Variants in UBR3 observed in about 807,000 individuals in gnomAD.
The protein encoded by UBR3 is ubiquitin protein ligase E3 component n-recognin 3.
In UBR3, 85 loss-of-function variants were observed where a neutral mutation model predicts 243.2. The ratio of observed to expected loss-of-function variants is 0.35; its 90% CI spans 0.29 to 0.42. The LOEUF (loss-of-function observed/expected upper bound fraction) is 0.42. UBR3 is among the 10% of genes least tolerant of loss of function. The pLI is 1.00. For synonymous variants in UBR3, 748 were observed against 799.8 expected (o/e 0.94, Z 1.09); for missense variants, 1,686 against 2,300.8 (o/e 0.73, Z 5.47).
intron 1 of UBR3, among the ~76,000 whole-genome samples, chr2:169,866,145 T>C: frequency 4.1e-5 from 3 of 72,318 alleles, no homozygotes; most frequent in Admixed American, 2.2e-4. Context: ...AGCGAGACTG[T>C]GTCTCAAAAA....
chr2:169,833,813 G>A (rs73022442), intron 1 of UBR3, among the ~76,000 whole-genome samples: 6,568 of 150,352 alleles, frequency 0.044, 164 homozygotes, highest in Middle Eastern at 0.069. Flanking sequence ...ACAGGTTCTC[G>A]CAGTGTCTCC....
At chr2:169,841,819 A>C (rs1355438846) in intron 1 of UBR3, among the ~76,000 whole-genome samples, 1 of 152,018 alleles carries the variant, frequency 6.6e-6, no homozygotes, top group African/African-American at 2.4e-5. Context: ...CCTCCCACCC[A>C]CTCCATGGGC....
intron 24 of UBR3, among the ~76,000 whole-genome samples, chr2:169,978,578 C>T (rs998804951): frequency 6.6e-6 from 1 of 152,000 alleles, no homozygotes; most frequent in African/African-American, 2.4e-5. Context: ...GCAGCCATGT[C>T]CCTGGGGATG....
chr2:169,872,437 T>C, intron 2 of UBR3, 62 bp downstream of exon 2: 1 of 1,236,700 alleles, frequency 8.1e-7, no homozygotes, highest in Admixed American at 3.4e-5. Flanking sequence ...AAAGTTTTAG[T>C]ATTAATTATG....
chr2:170,039,067 C>A (rs1218255233), intron 31 of UBR3, among the ~76,000 whole-genome samples: 1 of 151,978 alleles, frequency 6.6e-6, no homozygotes, highest in Non-Finnish European at 1.5e-5. Context: ...GAAGGTCTTT[C>A]AAAAAGAGTC....
chr2:170,056,408 A>C (rs2091337472), intron 33 of UBR3, among the ~76,000 whole-genome samples: 1 of 152,194 alleles, frequency 6.6e-6, no homozygotes, highest in South Asian at 2.1e-4. Context: ...GTTTAAGCTA[A>C]ATTATGCAAA....
At chr2:170,046,620 G>A (rs2091095051) in intron 32 of UBR3, among the ~76,000 whole-genome samples, 1 of 152,094 alleles carries the variant, frequency 6.6e-6, no homozygotes, top group South Asian at 2.1e-4. Flanking sequence ...ATTTCCAGTT[G>A]TTCCTCTTTA....
At chr2:169,908,195 A>T (rs1454691356) in intron 10 of UBR3, among the ~76,000 whole-genome samples, 1 of 152,140 alleles carries the variant, frequency 6.6e-6, no homozygotes. Context: ...TTTTTCTTGC[A>T]TGAGAGTTAT....
intron 11 of UBR3, among the ~76,000 whole-genome samples, chr2:169,917,373 T>C (rs937152200): frequency 6.6e-6 from 1 of 152,234 alleles, no homozygotes. Context: ...GAAGCTTTTC[T>C]CAATCCAGTT....
rs377578055 is a variant in UBR3, at chr2:170,055,702, G to A, written c.4785+118G>A. 1.6e-4 allele frequency: 214 copies of A among 1,302,924 alleles called. 2 individuals are homozygous for A. The East Asian group carries it at 3.8e-3, about 23-fold the overall frequency. 80.7% of individuals were successfully genotyped at this position (1,302,924 alleles called of 1,614,324 possible). On this transcript the variant is annotated intron_variant, in intron 33 of 38. Transcript: ENST00000272793. ...GTTATTGGTATTTTAATTGTAAATT[G>A]AGCACCTACAGGCTAAAAAATGTTT...
intron 20 of UBR3, among the ~76,000 whole-genome samples, chr2:169,943,298 C>T (rs991993977): frequency 2.6e-5 from 4 of 152,086 alleles, no homozygotes; most frequent in African/African-American, 4.8e-5. Flanking sequence ...TTTATAATCT[C>T]ATCTGCATGA....
intron 1 of UBR3, among the ~76,000 whole-genome samples, chr2:169,829,279 G>A (rs189466652): frequency 1.7e-3 from 259 of 152,268 alleles, no homozygotes; most frequent in Non-Finnish European, 2.5e-3. Context: ...GGAGTAGAAA[G>A]TAATAAATTC....
Position 169,857,064 on chromosome 2 carries a change from GTTTTTTTTTTTTT to G in UBR3, c.546-15157_546-15145del, listed in dbSNP as rs770674966. Among the ~76,000 whole-genome samples the G allele has an allele frequency of 8.6e-4, 48 of 56,094 alleles. 1 individual carries two copies. The highest frequency in any genetic ancestry group is 7.6e-3 in the Admixed American group (31 of 4,088). The allele number at this position is 56,094 out of a possible 152,430, so 36.8% of individuals were successfully genotyped here. On this transcript the variant is annotated intron_variant, in intron 1 of 38. Transcript: ENST00000272793. ...ATGATTTCCAGCATAATTTTATTAT[GTTTTTTTTTTTTT>G]TTTTTTTTTTTTTTGAGACGGAGTC...
chr2:170,007,171 G>C lies in UBR3; in HGVS notation c.4211G>C (p.Gly1404Ala), dbSNP rs764377762. Residue 1404 changes from glycine to alanine, a missense_variant, in exon 28 of 39, where the codon GGA (glycine) becomes GCA (alanine). Gly to Ala is a moderately conservative substitution (Grantham distance 60). Around this residue, in one of 8 missense-constraint regions of UBR3, gnomAD observed 371 missense variants for 422.5 expected, o/e 0.88. Transcript: ENST00000272793. ...ATAAAGGAAGTGGAGGAGCTGCAGG[G>C]ACGACCGGGAGCTTTCCCAGTAAGC... ...DLIKEVEELQGRPGAFPSETN... is the reference protein window; with the variant it reads ...DLIKEVEELQARPGAFPSETN... 6.2e-7 allele frequency: 1 copy of C among 1,604,062 alleles called. No homozygotes were observed.
intron 31 of UBR3, among the ~76,000 whole-genome samples, chr2:170,037,305 C>T (rs2090857708): frequency 6.6e-6 from 1 of 152,036 alleles, no homozygotes; most frequent in African/African-American, 2.4e-5. Context: ...TTCTCTTCCC[C>T]AAACTCTGAC....
intron 11 of UBR3, among the ~76,000 whole-genome samples, chr2:169,921,601 A>G (rs532214284): frequency 3.0e-4 from 46 of 152,314 alleles, no homozygotes; most frequent in African/African-American, 1.0e-3. Flanking sequence ...TCTCGCAGCT[A>G]CTAAACTCTT....
intron 24 of UBR3, among the ~76,000 whole-genome samples, chr2:169,960,442 C>T (rs1456584528): frequency 6.6e-6 from 1 of 151,614 alleles, no homozygotes; most frequent in East Asian, 1.9e-4. Context: ...GGATACTTAA[C>T]CTGTACTGAA....
At chr2:170,051,610 G>T (rs1213011505) in intron 32 of UBR3, among the ~76,000 whole-genome samples, 4 of 152,200 alleles carry the variant, frequency 2.6e-5, no homozygotes, top group East Asian at 1.9e-4. Context: ...CCCCCAAAGT[G>T]CTGGGATTAC....
At chr2:169,861,780 C>T (rs960461307) in intron 1 of UBR3, among the ~76,000 whole-genome samples, 3 of 152,100 alleles carry the variant, frequency 2.0e-5, no homozygotes, top group African/African-American at 7.2e-5. Context: ...GCTGTCTCTT[C>T]TACACAATTA....
Sources: allele counts gnomAD v4.1 joint callset (sites outside exome capture counted in the v4.1 genomes callset), GRCh38; gene constraint gnomAD v4.1.1; regional missense constraint gnomAD v4.1.1; transcripts MANE v1.5; gene names NCBI Gene and HGNC (gene_info 2026-07-23, HGNC 2026-07-21).